The following SEPTIN9 variants were observed in gnomAD, a reference collection of about 807,000 sequenced individuals.
SEPTIN9 encodes the protein septin 9.
SEPTIN9 carries 13 observed loss-of-function variants against 56.6 expected under a neutral mutation model. The ratio of observed to expected loss-of-function variants is 0.23; its 90% CI spans 0.15 to 0.37. SEPTIN9 has a LOEUF of 0.37. Ranked by LOEUF, SEPTIN9 falls within the 10% of genes least tolerant of loss-of-function variation. SEPTIN9 has a pLI of 1.00. For missense variants in SEPTIN9, 650 were observed against 823.1 expected, an observed-to-expected ratio of 0.79 and a Z score of 2.57; for synonymous variants, 332 against 334.1, an observed-to-expected ratio of 0.99 and a Z score of 0.07.
intron 3 of SEPTIN9, among the ~76,000 whole-genome samples, chr17:77,439,540 T>C (rs1332912770): frequency 6.6e-6 from 1 of 152,204 alleles, no homozygotes; most frequent in African/African-American, 2.4e-5. Flanking sequence ...AGCTGCACCC[T>C]GTGGCCAGCA....
In SEPTIN9 at chr17:77,492,820, G is replaced by T. The variant is rs528527442; in HGVS notation, c.1476+104G>T. On this transcript the variant is annotated intron_variant, in intron 9 of 11. Transcript: ENST00000427177. This position sits in a 1 kb window ranked among gnomAD's most constrained non-coding sequence, Gnocchi z 5.4. The stretch of plus-strand genomic sequence containing the variant: ...TTAAGCCATGAAATTATATTCTTGG[G>T]GCCAGAGGGCACTGAGCCCAGGTGT... 1 of 1,262,760 alleles carries T rather than the reference G, an allele frequency of 7.9e-7. No individual in the cohort carries two copies. The highest frequency in any genetic ancestry group is 1.2e-6 in the Non-Finnish European group (1 of 863,092). 78.2% of individuals were successfully genotyped at this position (1,262,760 alleles called of 1,614,324 possible). A position where few individuals can be genotyped will look rare whatever the true frequency, so the allele number is the denominator to read the frequency against.
At position 77,487,270 on chromosome 17, in the gene SEPTIN9, G is replaced by C. The variant is rs559097717; in HGVS notation, c.914-154G>C. Among the ~76,000 whole-genome samples, 1 of 152,230 alleles carries C rather than the reference G, an allele frequency of 6.6e-6. No individual in the cohort carries two copies. Among genetic ancestry groups the C allele is most frequent in the East Asian group, 1.9e-4 (1 of 5,170 alleles). On this transcript the variant is annotated intron_variant, in intron 4 of 11. Coordinates refer to ENST00000427177, the MANE Select transcript of SEPTIN9 (RefSeq NM_001113491.2). The surrounding 1 kb of genome is among the most constrained non-coding windows in gnomAD (Gnocchi z 4.3). ...CACCCGGCTCGAGGGTGAAGTCCTC[G>C]GGGGCTGCTTGGCAGGGATATTGCC...
chr17:77,482,277 G>A lies in SEPTIN9; in HGVS notation c.855G>A (p.Leu285=), dbSNP rs1269419700. 1.9e-6 allele frequency: 3 copies of A among 1,613,290 alleles called. No individual in the cohort carries two copies. Among genetic ancestry groups the A allele is most frequent in the Non-Finnish European group, 2.5e-6 (3 of 1,179,894 alleles). Residue 285 remains leucine (L), a synonymous_variant, in exon 4 of 12, where the codon CTG becomes CTA. Coordinates refer to ENST00000427177, the MANE Select transcript of SEPTIN9 (RefSeq NM_001113491.2). The stretch of plus-strand genomic sequence containing the variant: ...GCTACGTGGGGATTGACTCCATCCT[G>A]GAGCAGATGCGCCGGAAGGCCATGA... ...DFGYVGIDSI[L]EQMRRKAMKQ...
intron 3 of SEPTIN9, among the ~76,000 whole-genome samples, chr17:77,431,508 G>A (rs1430625893): frequency 2.0e-5 from 3 of 152,104 alleles, no homozygotes; most frequent in African/African-American, 7.2e-5. Flanking sequence ...TTATTAATTT[G>A]TTTTGAACTA....
At chr17:77,303,783 C>T (rs1034465989) in intron 1 of SEPTIN9, among the ~76,000 whole-genome samples, 4 of 152,058 alleles carry the variant, frequency 2.6e-5, no homozygotes, top group East Asian at 3.9e-4. Flanking sequence ...CTCATTGACT[C>T]GGAACAACCT....
chr17:77,436,180 AATGGTGG>A lies in SEPTIN9; in HGVS notation c.721+33480_721+33486del, dbSNP rs371102497. Among the ~76,000 whole-genome samples, 8 of 152,246 alleles carry A rather than the reference AATGGTGG, an allele frequency of 5.3e-5. No homozygotes were observed. In the East Asian group the frequency reaches 1.5e-3, roughly 29 times the overall value. On this transcript the variant is annotated intron_variant, in intron 3 of 11. Transcript: ENST00000427177. This position sits in a 1 kb window ranked among gnomAD's most constrained non-coding sequence, Gnocchi z 4.4. ...GGAAGCCAACGTGCACGAAAGAGTT[AATGGTGG>A]ATCCCATTTCCTCAGCCCCCTCTCC...
chr17:77,382,881 C>A (rs2035194970), intron 2 of SEPTIN9, among the ~76,000 whole-genome samples: 1 of 152,036 alleles, frequency 6.6e-6, no homozygotes. Context: ...AGCCCCGCTG[C>A]CCTGCCTGGT....
chr17:77,358,117 T>C (rs2034311002), intron 2 of SEPTIN9, among the ~76,000 whole-genome samples: 1 of 152,160 alleles, frequency 6.6e-6, no homozygotes. Context: ...AGAGAGGTGG[T>C]GTAACTTGCC....
chr17:77,407,542 G>T (rs1448242455), intron 3 of SEPTIN9, among the ~76,000 whole-genome samples: 1 of 151,966 alleles, frequency 6.6e-6, no homozygotes, highest in African/African-American at 2.4e-5. Flanking sequence ...CAGTGGGTGG[G>T]TGTTGGCTTC....
chr17:77,363,960 G>C (rs1022613530), intron 2 of SEPTIN9, among the ~76,000 whole-genome samples: 1 of 152,016 alleles, frequency 6.6e-6, no homozygotes, highest in Non-Finnish European at 1.5e-5. Context: ...CCGAGTCATC[G>C]TGGCCAGTGA....
At chr17:77,395,167 G>GGA (rs2035665145) in intron 2 of SEPTIN9, among the ~76,000 whole-genome samples, 1 of 152,010 alleles carries the variant, frequency 6.6e-6, no homozygotes, top group Non-Finnish European at 1.5e-5. Flanking sequence ...TCTAGCCTCA[G>GGA]GTTCCCAAAG....
At chr17:77,387,548 C>T (rs970133310) in intron 2 of SEPTIN9, among the ~76,000 whole-genome samples, 2 of 152,070 alleles carry the variant, frequency 1.3e-5, no homozygotes, top group Non-Finnish European at 2.9e-5. Flanking sequence ...TTGGGGTGAG[C>T]GGAGGGAACG....
rs940505643 is a variant in SEPTIN9 at position 77,459,694 on chromosome 17, G to T, written c.722-22450G>T. Among the ~76,000 whole-genome samples the T allele has an allele frequency of 2.0e-5, 3 of 152,124 alleles. No individual in the cohort carries two copies. The East Asian group carries it at 5.8e-4, about 29-fold the overall frequency. ...GGGGAGCTGGCACGTCACATGGCGA[G>T]AGAGAGAACTCCCAGACTCTTTTTT... On this transcript the variant is annotated intron_variant, in intron 3 of 11. Coordinates refer to ENST00000427177, the MANE Select transcript of SEPTIN9 (RefSeq NM_001113491.2).
At chr17:77,281,800 C>T in intron 1 of SEPTIN9, 1 of 499,306 alleles carries the variant, frequency 2.0e-6, no homozygotes, top group Non-Finnish European at 3.5e-6. Flanking sequence ...GGGGGACGCT[C>T]CCTCTTCCTC....
At chr17:77,345,039 C>T (rs1209548062) in intron 2 of SEPTIN9, among the ~76,000 whole-genome samples, 1 of 144,092 alleles carries the variant, frequency 6.9e-6, no homozygotes, top group Non-Finnish European at 1.5e-5. Flanking sequence ...GCCTTGAAGA[C>T]ATGCTAAGTG....
chr17:77,373,545 C>G (rs1030192558), intron 2 of SEPTIN9: 1 of 1,546,278 alleles, frequency 6.5e-7, no homozygotes, highest in Admixed American at 2.0e-5. Flanking sequence ...TCATTTCGGA[C>G]TTCGAAGGTG....
chr17:77,388,777 C>T (rs1420098190), intron 2 of SEPTIN9, among the ~76,000 whole-genome samples: 2 of 150,300 alleles, frequency 1.3e-5, no homozygotes, highest in African/African-American at 4.9e-5. Flanking sequence ...AATGGAGGCT[C>T]CACCTGGGCC....
chr17:77,405,183 A>G lies in SEPTIN9; in HGVS notation c.721+2480A>G, dbSNP rs372411674. 34 of 1,485,236 alleles carry G rather than the reference A, an allele frequency of 2.3e-5. No individual in the cohort carries two copies. The South Asian group carries it at 2.9e-4, about 13-fold the overall frequency. 92.0% of individuals were successfully genotyped at this position (1,485,236 alleles called of 1,614,324 possible). A position where few individuals can be genotyped will look rare whatever the true frequency, so the allele number is the denominator to read the frequency against. ...GGGATGTACAAGAACATTCTCCTCC[A>G]GGGGCAGACACAGTTTAGCCCCTAA... On this transcript the variant is annotated intron_variant, in intron 3 of 11. Coordinates refer to ENST00000427177, the MANE Select transcript of SEPTIN9 (RefSeq NM_001113491.2). The surrounding 1 kb of genome is among the most constrained non-coding windows in gnomAD (Gnocchi z 5.8).
chr17:77,324,170 C>T (rs1383432716), intron 2 of SEPTIN9, among the ~76,000 whole-genome samples: 1 of 152,214 alleles, frequency 6.6e-6, no homozygotes, highest in Admixed American at 6.5e-5. Context: ...GTCTCTCATA[C>T]GGACAGTCTT....
Sources: allele counts gnomAD v4.1 joint callset (sites outside exome capture counted in the v4.1 genomes callset), GRCh38; gene constraint gnomAD v4.1.1; non-coding constraint Gnocchi (gnomAD v3.1); transcripts MANE v1.5; gene names NCBI Gene and HGNC (gene_info 2026-07-23, HGNC 2026-07-21).